Variants in CELF2 observed in about 807,000 individuals in gnomAD.
The protein encoded by CELF2 is CUGBP Elav-like family member 2, also known as CUG triplet repeat RNA-binding protein 2.
A neutral mutation model predicts 62.6 loss-of-function variants in CELF2; 8 were observed. The observed-to-expected ratio is 0.13, with a 90% CI of 0.07 to 0.23. The LOEUF (loss-of-function observed/expected upper bound fraction) is 0.23. CELF2 is among the 10% of genes least tolerant of loss of function. The probability of loss-of-function intolerance (pLI) is 1.00; values close to 1 mark genes in which losing one functional copy is unlikely to be tolerated. For synonymous variants in CELF2, 258 were observed against 250.0 expected (o/e 1.03, Z -0.30); for missense variants, 333 against 671.0 (o/e 0.50, Z 5.56).
intron 1 of CELF2, among the ~76,000 whole-genome samples, chr10:10,829,251 A>G (rs1456791803): frequency 1.3e-5 from 2 of 152,226 alleles, no homozygotes; most frequent in African/African-American, 4.8e-5. Context: ...TGAAATAGGC[A>G]AACAAAGCAT....
At chr10:11,127,848 G>A (rs1406296510) in intron 1 of CELF2, among the ~76,000 whole-genome samples, 2 of 152,116 alleles carry the variant, frequency 1.3e-5, no homozygotes, top group African/African-American at 4.8e-5. Flanking sequence ...TCACTCTGAT[G>A]GTAGTTTCTT....
intron 1 of CELF2, among the ~76,000 whole-genome samples, chr10:10,899,604 G>A (rs1157531260): frequency 6.6e-6 from 1 of 152,102 alleles, no homozygotes; most frequent in Non-Finnish European, 1.5e-5. Flanking sequence ...GACTGTACTA[G>A]TCCGTTCTCG....
the CELF2 span, among the ~76,000 whole-genome samples, chr10:10,706,282 C>T: frequency 6.6e-6 from 1 of 152,206 alleles, no homozygotes; most frequent in Non-Finnish European, 1.5e-5. Flanking sequence ...CTTATTCACA[C>T]AGTACCTAGC....
At chr10:11,106,724 C>T (rs1179980468) in intron 1 of CELF2, among the ~76,000 whole-genome samples, 3 of 152,222 alleles carry the variant, frequency 2.0e-5, no homozygotes, top group Non-Finnish European at 4.4e-5. Flanking sequence ...AGTAAACAGT[C>T]ATCATTTGTA....
chr10:11,333,529 T>TTAAG lies in CELF2; in HGVS notation c.*4478_*4481dup, dbSNP rs1356060124. ...CATTTTACTGTTTGTTTTTATTATCTTAAGTGCTAATTAAAAAAAAAATAA... is the reference window on the plus strand; with the variant it reads ...CATTTTACTGTTTGTTTTTATTATCTTAAGTAAGTGCTAATTAAAAAAAAAATAA... On this transcript the variant is annotated 3_prime_UTR_variant, in exon 13 of 13. Transcript: ENST00000633077. 6.6e-6 allele frequency: 1 copy of TTAAG among 152,358 alleles called. No homozygotes were observed. The highest frequency in any genetic ancestry group is 1.5e-5 in the Non-Finnish European group (1 of 68,022). The allele number at this position is 152,358 out of a possible 1,614,324, so 9.4% of individuals were successfully genotyped here.
At chr10:10,877,045 C>G (rs555933970) in intron 1 of CELF2, among the ~76,000 whole-genome samples, 79 of 152,158 alleles carry the variant, frequency 5.2e-4, no homozygotes, top group Admixed American at 8.5e-4. Flanking sequence ...TACAAGAGTC[C>G]TATTGCAGGA....
the CELF2 span, among the ~76,000 whole-genome samples, chr10:10,555,108 A>G: frequency 1.6e-4 from 24 of 152,154 alleles, no homozygotes; most frequent in African/African-American, 5.8e-4. Context: ...TGCCAAGGGA[A>G]AGCCATAGGG....
chr10:11,137,169 A>G (rs776982416), intron 1 of CELF2, among the ~76,000 whole-genome samples: 13 of 152,238 alleles, frequency 8.5e-5, no homozygotes, highest in Non-Finnish European at 1.5e-4. Context: ...AGGAAAAGTT[A>G]TGGTGTAAGA....
intron 1 of CELF2, among the ~76,000 whole-genome samples, chr10:11,147,120 T>C (rs1270515483): frequency 6.6e-6 from 1 of 152,204 alleles, no homozygotes; most frequent in Non-Finnish European, 1.5e-5. Context: ...CACTCCCTTG[T>C]GCCTGCCAGG....
intron 1 of CELF2, among the ~76,000 whole-genome samples, chr10:11,106,207 TTTTATTTA>T (rs10624331): frequency 0.19 from 26,120 of 140,420 alleles, 2,602 homozygotes; most frequent in Non-Finnish European, 0.23. Flanking sequence ...TTTTACTTTA[TTTTATTTA>T]TTTATTTATT....
At chr10:11,248,332 A>G (rs9423846) in intron 3 of CELF2, among the ~76,000 whole-genome samples, 57,659 of 152,012 alleles carry the variant, frequency 0.38, 11,352 homozygotes, top group East Asian at 0.61. Flanking sequence ...CCCCGGGTCC[A>G]CTGTAGCTCA....
chr10:10,755,216 C>A, the CELF2 span, among the ~76,000 whole-genome samples: 1 of 152,154 alleles, frequency 6.6e-6, no homozygotes, highest in Non-Finnish European at 1.5e-5. Flanking sequence ...ATTGACATAA[C>A]CTCTTATTGT....
chr10:10,526,561 C>A, the CELF2 span, among the ~76,000 whole-genome samples: 17 of 152,114 alleles, frequency 1.1e-4, no homozygotes, highest in African/African-American at 4.1e-4. Context: ...GCCCTTAGGT[C>A]TAGACATGTA....
At chr10:11,304,459 C>T (rs2094037548) in intron 9 of CELF2, among the ~76,000 whole-genome samples, 1 of 152,226 alleles carries the variant, frequency 6.6e-6, no homozygotes, top group Non-Finnish European at 1.5e-5. Context: ...TTATTTCTTA[C>T]AGCTCTGGAG....
At chr10:10,954,854 A>T (rs891004255) in intron 2 of CELF2, among the ~76,000 whole-genome samples, 1 of 152,264 alleles carries the variant, frequency 6.6e-6, no homozygotes, top group South Asian at 2.1e-4. Context: ...AGCAGCATAT[A>T]GCAAAGAATA....
chr10:10,950,433 A>G (rs930206990), intron 2 of CELF2, among the ~76,000 whole-genome samples: 12 of 152,164 alleles, frequency 7.9e-5, no homozygotes, highest in South Asian at 4.2e-4. Context: ...GAAATGTGTG[A>G]TGGTCTCATA....
chr10:10,465,085 A>C, the CELF2 span, among the ~76,000 whole-genome samples: 2 of 152,168 alleles, frequency 1.3e-5, no homozygotes, highest in Non-Finnish European at 1.5e-5. Flanking sequence ...ACACATTGTT[A>C]TTTTACACAC....
At chr10:10,799,184 G>C (rs951244271) in intron 1 of CELF2, among the ~76,000 whole-genome samples, 3 of 152,188 alleles carry the variant, frequency 2.0e-5, no homozygotes, top group African/African-American at 7.2e-5. Context: ...ACTTCAGATA[G>C]AAGAGCGAAA....
chr10:10,498,023 C>T, the CELF2 span, among the ~76,000 whole-genome samples: 2 of 152,032 alleles, frequency 1.3e-5, no homozygotes, highest in Non-Finnish European at 2.9e-5. Context: ...TGATAAGAGG[C>T]GGGAAGAAGT....
Sources: gnomAD v4.1 joint callset for allele counts (sites outside exome capture counted in the v4.1 genomes callset) on GRCh38, gnomAD v4.1.1 for gene constraint, MANE v1.5 for transcripts, NCBI Gene and HGNC (gene_info 2026-07-23, HGNC 2026-07-21) for gene names.